HPS3: variants seen among roughly 807,000 people sequenced by gnomAD.
HPS3 encodes the protein HPS3 biogenesis of lysosomal organelles complex 2 subunit 1.
In HPS3, 79 loss-of-function variants were observed where a neutral mutation model predicts 110.9. The ratio of observed to expected loss-of-function variants is 0.71; its 90% confidence interval spans 0.59 to 0.86. The LOEUF (loss-of-function observed/expected upper bound fraction) is 0.86. Among genes scored for constraint, HPS3 ranks in the 40% least tolerant of loss-of-function variants. The probability of loss-of-function intolerance (pLI) is 0.00; values close to 1 mark genes in which losing one functional copy is unlikely to be tolerated. For synonymous variants in HPS3, 428 were observed against 451.0 expected, an observed-to-expected ratio of 0.95 and a Z score of 0.65; for missense variants, 1,197 against 1,206.2, an observed-to-expected ratio of 0.99 and a Z score of 0.11.
intron 11 of HPS3, among the ~76,000 whole-genome samples, chr3:149,161,127 T>C (rs1723776790): frequency 6.6e-6 from 1 of 152,222 alleles, no homozygotes; most frequent in Non-Finnish European, 1.5e-5. Flanking sequence ...ACAAATGACA[T>C]GCTTTGTTAT....
intron 4 of HPS3, 90 bp from the exon 5 acceptor site, chr3:149,145,264 T>A (rs1425069652): frequency 1.6e-5 from 16 of 988,804 alleles, no homozygotes; most frequent in Non-Finnish European, 2.5e-5. Context: ...TACCCACTGA[T>A]ACAGTTTGCA....
At chr3:149,167,346 C>T (rs1180213454) in intron 15 of HPS3, 106 bp downstream of exon 15, 5 of 863,334 alleles carry the variant, frequency 5.8e-6, no homozygotes, top group Non-Finnish European at 9.4e-6. Context: ...AATCCAACAT[C>T]ATAAGGCTGT....
In HPS3 at chr3:149,157,373, G is replaced by A. The variant is rs1286688638; in HGVS notation, c.1533G>A (p.Lys511=). The change falls in exon 9 of 17, where the codon AAG becomes AAA. Residue 511 remains lysine (K), a synonymous_variant. Coordinates refer to ENST00000296051, the MANE Select transcript of HPS3 (RefSeq NM_032383.5). The stretch of plus-strand genomic sequence containing the variant: ...AGGTAGACTATAGCAATACCTATAA[G>A]ACTGTCAAAACCCAGAGCTGCATTC... ...KEMVDYSNTY[K]TVKTQSCIHL... 1 of 1,613,782 alleles carries A rather than the reference G, an allele frequency of 6.2e-7. No homozygotes were observed. Among genetic ancestry groups the A allele is most frequent in the South Asian group, 1.1e-5 (1 of 91,074 alleles).
chr3:149,163,809 A>G (rs780734788), intron 13 of HPS3, 33 bp from the exon 14 acceptor site: 1 of 1,166,410 alleles, frequency 8.6e-7, no homozygotes, highest in Non-Finnish European at 1.3e-6. Flanking sequence ...TTGTTGTTAT[A>G]TTTTGTTTAT....
rs34197730 is a variant in HPS3, at chr3:149,155,185, G to A, written c.1479G>A (p.Thr493=). 54,733 of 1,590,148 alleles carry A rather than the reference G, an allele frequency of 0.034. 1,092 individuals carry two copies. Among genetic ancestry groups the A allele is most frequent in the Middle Eastern group, 0.054 (324 of 6,034 alleles). Residue 493 remains threonine, a synonymous_variant, in exon 8 of 17, where the codon ACG becomes ACA. Coordinates refer to ENST00000296051, the MANE Select transcript of HPS3 (RefSeq NM_032383.5). The stretch of plus-strand genomic sequence containing the variant: ...GGTGGAATTTGTATATTGTGAATAC[G>A]ATCTCACCAGTGCAGCTGTACAAAG... ...EAGWNLYIVN[T]ISPVQLYKEM...
chr3:149,171,966 A>G (rs1467705929), intron 16 of HPS3, 129 bp from the exon 17 acceptor site: 7 of 783,532 alleles, frequency 8.9e-6, no homozygotes, highest in Non-Finnish European at 1.5e-5. Flanking sequence ...CGGCCTCCCA[A>G]AGTGCTGGGA....
chr3:149,137,326 G>A (rs192037386), intron 1 of HPS3, among the ~76,000 whole-genome samples: 22 of 152,300 alleles, frequency 1.4e-4, no homozygotes, highest in African/African-American at 4.8e-5. Context: ...AGAAATTAAC[G>A]TGTTGGGGAG....
chr3:149,133,865 T>C (rs764137149), intron 1 of HPS3, among the ~76,000 whole-genome samples: 4 of 152,352 alleles, frequency 2.6e-5, no homozygotes, highest in South Asian at 2.1e-4. Flanking sequence ...AGTACAAACA[T>C]AACTTTTTTA....
chr3:149,171,064 G>A (rs1724932816), intron 16 of HPS3, among the ~76,000 whole-genome samples: 1 of 152,192 alleles, frequency 6.6e-6, no homozygotes, highest in South Asian at 2.1e-4. Flanking sequence ...CGGATCATGA[G>A]GTCAAGAGAT....
intron 5 of HPS3, 119 bp downstream of exon 5, chr3:149,145,665 CATGTCATTGT>C (rs1559912451): frequency 1.2e-5 from 10 of 823,100 alleles, no homozygotes; most frequent in Non-Finnish European, 1.9e-5. Flanking sequence ...GCATGAGTTA[CATGTCATTGT>C]AAGTCTGTCT....
intron 16 of HPS3, among the ~76,000 whole-genome samples, chr3:149,169,986 A>T (rs558908165): frequency 6.6e-6 from 1 of 152,306 alleles, no homozygotes; most frequent in Middle Eastern, 3.4e-3. Context: ...AGTGGAGTAG[A>T]GCAAGTAATT....
intron 14 of HPS3, 63 bp downstream of exon 14, chr3:149,164,012 T>G: frequency 1.2e-6 from 1 of 852,100 alleles, no homozygotes; most frequent in Non-Finnish European, 2.0e-6. Context: ...AAGATTAAAT[T>G]TGCTGAGACC....
chr3:149,156,539 CTTT>C (rs949039229), intron 8 of HPS3, among the ~76,000 whole-genome samples: 1 of 142,730 alleles, frequency 7.0e-6, no homozygotes, highest in Admixed American at 7.0e-5. Flanking sequence ...TTCCCCTCTA[CTTT>C]TTTTTTGAGA....
chr3:149,164,591 A>G (rs1306559008), intron 14 of HPS3, among the ~76,000 whole-genome samples: 1 of 152,224 alleles, frequency 6.6e-6, no homozygotes, highest in African/African-American at 2.4e-5. Flanking sequence ...TAATTCCCAC[A>G]TCTGTTTTCT....
Position 149,129,897 on chromosome 3 carries a change from C to G in HPS3, c.174C>G (p.Phe58Leu), listed in dbSNP as rs1299872939. 1.9e-6 allele frequency: 3 copies of G among 1,581,426 alleles called. No individual in the cohort carries two copies. Among genetic ancestry groups the G allele is most frequent in the Non-Finnish European group, 2.6e-6 (3 of 1,169,962 alleles). ...AGCTGTGCCAGCCGCGGTGCGCCTT[C>G]TCCACGCTGGGCCGGGTGTTGCGCC... Reference protein sequence around the residue: ...GQELCQPRCAFSTLGRVLRLA... With the variant: ...GQELCQPRCALSTLGRVLRLA... Residue 58 changes from phenylalanine to leucine, a missense_variant, in exon 1 of 17, where the codon TTC becomes TTG. By Grantham distance (22) the Phe-to-Leu change is conservative. Coordinates refer to ENST00000296051, the MANE Select transcript of HPS3 (RefSeq NM_032383.5).
At position 149,129,844 on chromosome 3, in the gene HPS3, G is replaced by T; in HGVS notation, c.121G>T (p.Val41Leu). 1 of 1,604,122 alleles carries T rather than the reference G, an allele frequency of 6.2e-7. No individual in the cohort carries two copies. The change falls in exon 1 of 17, where the codon GTG becomes TTG. Residue 41 changes from valine to leucine, a missense_variant. Coordinates refer to ENST00000296051, the MANE Select transcript of HPS3 (RefSeq NM_032383.5). ...DALFVAAGCK[V>L]EAFAVAGQEL... ...GCTTTTCGTGGCGGCGGGCTGCAAGGTGGAGGCGTTCGCGGTGGCCGGCCA... is the reference window on the plus strand; with the variant it reads ...GCTTTTCGTGGCGGCGGGCTGCAAGTTGGAGGCGTTCGCGGTGGCCGGCCA...
At chr3:149,161,913 G>A (rs1723897169) in intron 11 of HPS3, among the ~76,000 whole-genome samples, 2 of 152,126 alleles carry the variant, frequency 1.3e-5, no homozygotes, top group Non-Finnish European at 2.9e-5. Flanking sequence ...TAAATATAAA[G>A]CTCTCTACAA....
intron 6 of HPS3, among the ~76,000 whole-genome samples, 155 bp from the exon 7 acceptor site, chr3:149,153,339 G>T (rs530678001): frequency 2.0e-5 from 3 of 152,310 alleles, no homozygotes; most frequent in Admixed American, 6.5e-5. Context: ...ATAGGAATCT[G>T]GGTTGGTCTT....
At position 149,141,195 on chromosome 3, in the gene HPS3, T is replaced by C. The variant is rs202215373; in HGVS notation, c.884+7T>C. The C allele has an allele frequency of 7.9e-5, 119 of 1,514,930 alleles. 1 individual carries two copies. In the African/African-American group the frequency reaches 1.9e-3, roughly 24 times the overall value. 93.8% of individuals were successfully genotyped at this position (1,514,930 alleles called of 1,614,324 possible). ...TTCAGCACCTGCTCTATAGGTATTATAGTGCTTTTTTTTTTTTTACCAGCA... is the reference window on the plus strand; with the variant it reads ...TTCAGCACCTGCTCTATAGGTATTACAGTGCTTTTTTTTTTTTTACCAGCA... On this transcript the variant is annotated splice_region_variant and intron_variant, in intron 3 of 16. Transcript: ENST00000296051.
Sources: allele counts gnomAD v4.1 joint callset (sites outside exome capture counted in the v4.1 genomes callset), GRCh38; gene constraint gnomAD v4.1.1; transcripts MANE v1.5; gene names NCBI Gene and HGNC (gene_info 2026-07-23, HGNC 2026-07-21).